TMEM74: variants seen among roughly 807,000 people sequenced by gnomAD.
TMEM74 encodes the protein transmembrane protein 74.
TMEM74 carries 13 observed loss-of-function variants against 18.1 expected under a neutral mutation model. The ratio of observed to expected loss-of-function variants is 0.72; its 90% CI spans 0.47 to 1.14. The LOEUF is 1.14. Ranked by LOEUF, TMEM74 falls within the 50% of genes most tolerant of loss-of-function variation. The pLI, the probability that TMEM74 is intolerant of heterozygous loss-of-function variation, is 0.00. For synonymous variants in TMEM74, 159 were observed against 146.6 expected (o/e 1.08, Z -0.61); for missense variants, 372 against 375.9 (o/e 0.99, Z 0.09).
chr8:108,658,032 C>T (rs1218192923), intron 1 of TMEM74, among the ~76,000 whole-genome samples: 1 of 150,490 alleles, frequency 6.6e-6, no homozygotes, highest in East Asian at 2.0e-4. Flanking sequence ...GAGAACAAGG[C>T]AGAAGGAAAA....
Position 108,782,921 on chromosome 8 carries a change from A to G in TMEM74, c.*1260T>C, listed in dbSNP as rs2129666466. 6.6e-6 allele frequency among the ~76,000 whole-genome samples: 1 copy of G among 152,216 alleles called. No individual in the cohort carries two copies. Among genetic ancestry groups the G allele is most frequent in the East Asian group, 1.9e-4 (1 of 5,184 alleles). On this transcript the variant is annotated 3_prime_UTR_variant, in exon 2 of 2. Transcript: ENST00000297459. ...AATGAGGCGGTCTGTCACTGTGAAC[A>G]CCCAGTGTGTGTCTTGCAAAGTGAG...
At chr8:108,774,276 C>T (rs1814204719), downstream of TMEM74, among the ~76,000 whole-genome samples, 1 of 152,172 alleles carries the variant, frequency 6.6e-6, no homozygotes, top group Non-Finnish European at 1.5e-5. Context: ...CTGGATGTGG[C>T]AATAATACCA....
downstream of TMEM74, among the ~76,000 whole-genome samples, chr8:108,775,525 C>A (rs1438650622): frequency 6.6e-6 from 1 of 152,178 alleles, no homozygotes; most frequent in East Asian, 1.9e-4. Flanking sequence ...TGCCAATAAC[C>A]ATATTAAAAT....
intron 1 of TMEM74, among the ~76,000 whole-genome samples, chr8:108,720,720 A>T (rs1212271059): frequency 6.7e-6 from 1 of 149,908 alleles, no homozygotes; most frequent in African/African-American, 2.5e-5. Context: ...CCCCAAATTA[A>T]GATATAACTA....
At chr8:108,742,590 A>T (rs2130647119) in intron 1 of TMEM74, among the ~76,000 whole-genome samples, 1 of 152,228 alleles carries the variant, frequency 6.6e-6, no homozygotes, top group South Asian at 2.1e-4. Flanking sequence ...TTCTTATTCT[A>T]TCCTATTTAT....
chr8:108,753,731 A>T (rs564592405), intron 1 of TMEM74, among the ~76,000 whole-genome samples: 1 of 152,096 alleles, frequency 6.6e-6, no homozygotes, highest in East Asian at 1.9e-4. Context: ...ATATTCAGAC[A>T]TGTCTACTCT....
chr8:108,720,440 A>T (rs1002929382), intron 1 of TMEM74, among the ~76,000 whole-genome samples: 5 of 152,222 alleles, frequency 3.3e-5, no homozygotes, highest in African/African-American at 1.2e-4. Flanking sequence ...CTATTATGAG[A>T]TGCCACCTTT....
At chr8:108,718,935 A>G (rs1563534450) in intron 1 of TMEM74, among the ~76,000 whole-genome samples, 1 of 151,558 alleles carries the variant, frequency 6.6e-6, no homozygotes, top group Admixed American at 6.6e-5. Context: ...GTCATACTAC[A>G]AAGTTAGATA....
chr8:108,761,732 C>T (rs756333861), intron 1 of TMEM74, among the ~76,000 whole-genome samples: 8 of 152,142 alleles, frequency 5.3e-5, no homozygotes, highest in Non-Finnish European at 1.0e-4. Context: ...TTTCTTCTCT[C>T]TTTAGTCCTT....
At chr8:108,650,864 C>T (rs2935756) in intron 2 of TMEM74, among the ~76,000 whole-genome samples, 27,085 of 151,984 alleles carry the variant, frequency 0.18, 2,502 homozygotes, top group East Asian at 0.27. Context: ...GCACCTGCCA[C>T]CACACCCAGC....
intron 1 of TMEM74, among the ~76,000 whole-genome samples, chr8:108,719,571 A>G (rs1232947502): frequency 6.6e-6 from 1 of 152,132 alleles, no homozygotes; most frequent in East Asian, 1.9e-4. Context: ...GGAAGCCATA[A>G]ACTTATTGTT....
chr8:108,731,219 C>T (rs962776890), intron 1 of TMEM74, among the ~76,000 whole-genome samples: 4 of 151,712 alleles, frequency 2.6e-5, no homozygotes, highest in African/African-American at 9.7e-5. Flanking sequence ...TCGTTATCCA[C>T]CACCGCCCCC....
rs752045732 is a variant in TMEM74 at position 108,784,606 on chromosome 8, A to C, written c.493T>G (p.Ser165Ala). ...LISEEEDDTS[S>A]EATSSGKSID... Reference sequence around the variant, plus strand: ...GACTTCCCTGAAGACGTGGCTTCTGAACTTGTATCATCCTCCTCTTCAGAT... The same window carrying C: ...GACTTCCCTGAAGACGTGGCTTCTGCACTTGTATCATCCTCCTCTTCAGAT... The change falls in exon 2 of 2, where the codon TCA becomes GCA. Residue 165 changes from serine to alanine, a missense_variant. Coordinates refer to ENST00000297459, the MANE Select transcript of TMEM74 (RefSeq NM_153015.3). 6.2e-7 allele frequency: 1 copy of C among 1,614,114 alleles called. No individual in the cohort carries two copies. Among genetic ancestry groups the C allele is most frequent in the South Asian group, 1.1e-5 (1 of 91,078 alleles).
intron 1 of TMEM74, among the ~76,000 whole-genome samples, chr8:108,756,688 GAAA>G (rs1813974532): frequency 9.2e-6 from 1 of 109,004 alleles, no homozygotes; most frequent in African/African-American, 4.2e-5. Flanking sequence ...AAGAAAGAAA[GAAA>G]GAAAGAAGGA....
intron 1 of TMEM74, among the ~76,000 whole-genome samples, chr8:108,755,111 T>C (rs914463604): frequency 5.9e-5 from 9 of 152,022 alleles, no homozygotes; most frequent in East Asian, 3.9e-4. Flanking sequence ...ACACATAAAA[T>C]TTACCATGAC....
At chr8:108,733,620 C>T (rs1011598489) in intron 1 of TMEM74, among the ~76,000 whole-genome samples, 5 of 152,160 alleles carry the variant, frequency 3.3e-5, no homozygotes, top group African/African-American at 1.2e-4. Flanking sequence ...TACTTAAGAT[C>T]TACTTTTGTA....
At chr8:108,762,977 G>A (rs899121164) in intron 1 of TMEM74, among the ~76,000 whole-genome samples, 5 of 152,110 alleles carry the variant, frequency 3.3e-5, no homozygotes, top group Non-Finnish European at 1.5e-5. Flanking sequence ...AAAATCTCTA[G>A]AATTTAGCAA....
chr8:108,637,471 G>A (rs527877528), intron 2 of TMEM74, among the ~76,000 whole-genome samples: 3 of 152,186 alleles, frequency 2.0e-5, no homozygotes, highest in African/African-American at 7.2e-5. Flanking sequence ...CGGATTATCT[G>A]AGTGGGCCCA....
In TMEM74 at chr8:108,782,904, G is replaced by A. The variant is rs1046935892; in HGVS notation, c.*1277C>T. 5.9e-5 allele frequency among the ~76,000 whole-genome samples: 9 copies of A among 152,138 alleles called. No individual in the cohort carries two copies. Among genetic ancestry groups the A allele is most frequent in the East Asian group, 1.9e-4 (1 of 5,186 alleles). ...TTCTGAACCGTCACCATAATGAGGC[G>A]GTCTGTCACTGTGAACACCCAGTGT... is the stretch of plus-strand genomic sequence containing the variant. On this transcript the variant is annotated 3_prime_UTR_variant, in exon 2 of 2. Coordinates refer to ENST00000297459, the MANE Select transcript of TMEM74 (RefSeq NM_153015.3).
Sources: allele counts gnomAD v4.1 joint callset (sites outside exome capture counted in the v4.1 genomes callset), GRCh38; gene constraint gnomAD v4.1.1; transcripts MANE v1.5; gene names NCBI Gene and HGNC (gene_info 2026-07-23, HGNC 2026-07-21).